ASF1A: variants seen among roughly 807,000 people sequenced by gnomAD.
ASF1A encodes the protein histone chaperone ASF1A.
ASF1A carries 5 observed loss-of-function variants against 22.0 expected under a neutral mutation model. The observed-to-expected ratio is 0.23, with a 90% CI of 0.12 to 0.48. ASF1A has a LOEUF of 0.48. ASF1A is among the 20% of genes least tolerant of loss of function. The probability of loss-of-function intolerance (pLI) is 0.99; values close to 1 mark genes in which losing one functional copy is unlikely to be tolerated. For synonymous variants in ASF1A, 97 were observed against 86.7 expected, an observed-to-expected ratio of 1.12 and a Z score of -0.66; for missense variants, 137 against 240.6, an observed-to-expected ratio of 0.57 and a Z score of 2.85.
chr6:118,900,949 T>C, intron 2 of ASF1A, 68 bp downstream of exon 2: 1 of 1,091,912 alleles, frequency 9.2e-7, no homozygotes, highest in Non-Finnish European at 1.4e-6. Flanking sequence ...TCTATTATCT[T>C]ATAACCCTTA....
intron 2 of ASF1A, 59 bp downstream of exon 2, chr6:118,900,940 C>G (rs549129107): frequency 3.2e-5 from 38 of 1,180,748 alleles, no homozygotes; most frequent in Non-Finnish European, 4.8e-5. Flanking sequence ...ACTATATTAT[C>G]TATTATCTTA....
intron 1 of ASF1A, among the ~76,000 whole-genome samples, chr6:118,898,792 T>C (rs1779610391): frequency 1.3e-5 from 2 of 152,222 alleles, no homozygotes; most frequent in Admixed American, 1.3e-4. Flanking sequence ...CTTAAAACAG[T>C]TTCTTCACTT....
Position 118,908,966 on chromosome 6 carries a change from G to T in ASF1A, c.*1352G>T, listed in dbSNP as rs1312532873. 1 of 152,516 alleles carries T rather than the reference G, an allele frequency of 6.6e-6. No individual in the cohort carries two copies. 9.4% of individuals were successfully genotyped at this position (152,516 alleles called of 1,614,324 possible). On this transcript the variant is annotated 3_prime_UTR_variant, in exon 4 of 4. Transcript: ENST00000229595. ...CCTATCATTCTAAAAAAGTGAATTT[G>T]TGAAGCAAAGTTTTGCCAGATGTTA...
intron 2 of ASF1A, among the ~76,000 whole-genome samples, chr6:118,903,683 G>A (rs1360378871): frequency 6.6e-6 from 1 of 152,300 alleles, no homozygotes. Flanking sequence ...AATTTTTCAG[G>A]ATGTGAGCGA....
chr6:118,907,740 T>A lies in ASF1A; in HGVS notation c.*126T>A. 1.4e-6 allele frequency: 1 copy of A among 714,348 alleles called. No homozygotes were observed. The highest frequency in any genetic ancestry group is 3.4e-4 in the Middle Eastern group (1 of 2,962). The allele number at this position is 714,348 out of a possible 1,614,324, so 44.3% of individuals were successfully genotyped here. On this transcript the variant is annotated 3_prime_UTR_variant, in exon 4 of 4. Transcript: ENST00000229595. ...TTGTTTAAAAACATCCTGTAGAAAG[T>A]TTATAAGAAAACCAGTATTTGAACA...
intron 1 of ASF1A, among the ~76,000 whole-genome samples, chr6:118,894,866 G>A (rs1333768153): frequency 6.6e-6 from 1 of 152,178 alleles, no homozygotes; most frequent in Non-Finnish European, 1.5e-5. Context: ...GCCGCCAACA[G>A]CCTCCGCGAC....
chr6:118,907,700 C>T lies in ASF1A; in HGVS notation c.*86C>T. On this transcript the variant is annotated 3_prime_UTR_variant, in exon 4 of 4. Coordinates refer to ENST00000229595, the MANE Select transcript of ASF1A (RefSeq NM_014034.3). ...AAATTCCGTAAGTACATAGTCAAAA[C>T]ACAATGTGAAGAATTTGTTTAAAAA... 2 of 1,020,098 alleles carry T rather than the reference C, an allele frequency of 2.0e-6. No homozygotes were observed. The highest frequency in any genetic ancestry group is 1.7e-5 in the South Asian group (1 of 60,336). The allele number at this position is 1,020,098 out of a possible 1,614,324, so 63.2% of individuals were successfully genotyped here.
rs942753673 is a variant in ASF1A at position 118,908,960 on chromosome 6, G to A, written c.*1346G>A. ...ATATTTCCTATCATTCTAAAAAAGT[G>A]AATTTGTGAAGCAAAGTTTTGCCAG... is the stretch of plus-strand genomic sequence containing the variant. On this transcript the variant is annotated 3_prime_UTR_variant, in exon 4 of 4. Coordinates refer to ENST00000229595, the MANE Select transcript of ASF1A (RefSeq NM_014034.3). 2.0e-5 allele frequency: 3 copies of A among 152,510 alleles called. No individual in the cohort carries two copies. The highest frequency in any genetic ancestry group is 2.0e-4 in the Admixed American group (3 of 15,252). The allele number at this position is 152,510 out of a possible 1,614,324, so 9.4% of individuals were successfully genotyped here. A position where few individuals can be genotyped will look rare whatever the true frequency, so the allele number is the denominator to read the frequency against.
In ASF1A at chr6:118,894,559, C is replaced by T. The variant is rs1779211726; in HGVS notation, c.109+37C>T. 5 of 1,487,542 alleles carry T rather than the reference C, an allele frequency of 3.4e-6. No homozygotes were observed. The East Asian group carries it at 9.9e-5, about 29-fold the overall frequency. 92.1% of individuals were successfully genotyped at this position (1,487,542 alleles called of 1,614,324 possible). ...GCCCGTGCGCCCGGGCTGTCAGTTG[C>T]GGGCTGCAGACGTTGAAAGTTTCCC... On this transcript the variant is annotated intron_variant, in intron 1 of 3. Transcript: ENST00000229595.
intron 1 of ASF1A, among the ~76,000 whole-genome samples, chr6:118,897,479 T>C (rs1471842880): frequency 6.6e-6 from 1 of 152,104 alleles, no homozygotes; most frequent in African/African-American, 2.4e-5. Context: ...CTACTGTCAA[T>C]TGAATACTTA....
chr6:118,900,809 A>C lies in ASF1A; in HGVS notation c.153A>C (p.Glu51Asp). 1 of 1,613,886 alleles carries C rather than the reference A, an allele frequency of 6.2e-7. No homozygotes were observed. ...TCTATGTGGGCTCTGCAGAAAGTGA[A>C]GAATACGATCAAGTTTTAGACTCTG... ...KIIYVGSAESEEYDQVLDSVL... is the reference protein window; with the variant it reads ...KIIYVGSAESDEYDQVLDSVL... Residue 51 changes from glutamate (E) to aspartate (D), a missense_variant, in exon 2 of 4, where the codon GAA (glutamate) becomes GAC (aspartate). This residue lies in a region of ASF1A where 96 missense variants were observed against 196.7 expected (regional missense o/e 0.49). Transcript: ENST00000229595.
At chr6:118,895,082 C>T (rs1463527302) in intron 1 of ASF1A, among the ~76,000 whole-genome samples, 2 of 152,146 alleles carry the variant, frequency 1.3e-5, no homozygotes, top group Non-Finnish European at 2.9e-5. Context: ...TCGCCGCACT[C>T]TCCGGGCTGG....
At chr6:118,902,408 T>C (rs573174804) in intron 2 of ASF1A, among the ~76,000 whole-genome samples, 11 of 152,328 alleles carry the variant, frequency 7.2e-5, no homozygotes, top group African/African-American at 2.6e-4. Flanking sequence ...TCTCTTAACT[T>C]CTTGAAATTG....
intron 1 of ASF1A, among the ~76,000 whole-genome samples, chr6:118,899,253 C>T (rs777255675): frequency 6.6e-6 from 1 of 152,210 alleles, no homozygotes; most frequent in African/African-American, 2.4e-5. Context: ...CTGCTCTGCT[C>T]AAAACCCTTC....
chr6:118,902,951 C>T (rs1053987283), intron 2 of ASF1A, among the ~76,000 whole-genome samples: 1 of 152,160 alleles, frequency 6.6e-6, no homozygotes, highest in Non-Finnish European at 1.5e-5. Flanking sequence ...AGACATCTGC[C>T]TAGTATTGCC....
At chr6:118,906,827 GA>G (rs1562432816) in intron 3 of ASF1A, among the ~76,000 whole-genome samples, 1 of 152,122 alleles carries the variant, frequency 6.6e-6, no homozygotes, top group East Asian at 1.9e-4. Flanking sequence ...CATGACAATA[GA>G]ATAGAATGTT....
rs1779207289 is a variant in ASF1A, at chr6:118,894,522, G to A, written c.109G>A (p.Asp37Asn). 2 of 1,536,632 alleles carry A rather than the reference G, an allele frequency of 1.3e-6. No homozygotes were observed. Among genetic ancestry groups the A allele is most frequent in the Non-Finnish European group, 1.7e-6 (2 of 1,146,354 alleles). Residue 37 changes from aspartate (D) to asparagine (N), a missense_variant and splice_region_variant, in exon 1 of 4, where the codon GAC becomes AAC. This residue lies in a region of ASF1A where 96 missense variants were observed against 196.7 expected (regional missense o/e 0.49). Coordinates refer to ENST00000229595, the MANE Select transcript of ASF1A (RefSeq NM_014034.3). ...CGAGTGCATCGAGGACCTGTCTGAA[G>A]GTGAGTGCGGCGCCCGTGCGCCCGG... ...TFECIEDLSE[D>N]LEWKIIYVGS... is the part of the protein sequence containing the mutation.
chr6:118,905,669 A>G lies in ASF1A; in HGVS notation c.243A>G (p.Pro81=). The change falls in exon 3 of 4, where the codon CCA becomes CCG. Residue 81 remains proline (P), a synonymous_variant. Transcript: ENST00000229595. The part of the protein sequence containing the change: ...MFVFQADAPN[P]GLIPDADAVG... ...TATTCTAGGCTGATGCACCTAATCCAGGACTCATTCCAGATGCAGATGCAG... is the reference window on the plus strand; with the variant it reads ...TATTCTAGGCTGATGCACCTAATCCGGGACTCATTCCAGATGCAGATGCAG... 6.2e-7 allele frequency: 1 copy of G among 1,612,524 alleles called. No individual in the cohort carries two copies. The highest frequency in any genetic ancestry group is 8.5e-7 in the Non-Finnish European group (1 of 1,179,132).
intron 3 of ASF1A, among the ~76,000 whole-genome samples, chr6:118,906,367 C>T (rs563750048): frequency 1.9e-4 from 29 of 152,148 alleles, no homozygotes; most frequent in Non-Finnish European, 3.7e-4. Flanking sequence ...GCCACCACGC[C>T]CAGAGAAAGT....
Sources: gnomAD v4.1 joint callset for allele counts (sites outside exome capture counted in the v4.1 genomes callset) on GRCh38, gnomAD v4.1.1 for gene constraint, gnomAD v4.1.1 regional missense constraint, MANE v1.5 for transcripts, NCBI Gene and HGNC (gene_info 2026-07-23, HGNC 2026-07-21) for gene names.